Variants in GRIN2D observed in about 807,000 individuals in gnomAD.
GRIN2D encodes glutamate ionotropic receptor NMDA type subunit 2D, also known as glutamate receptor ionotropic, NMDA 2D.
Under a neutral mutation model 103.2 loss-of-function variants are expected in GRIN2D, and 37 were observed. The observed-to-expected ratio is 0.36, with a 90% confidence interval of 0.28 to 0.47. The LOEUF is 0.47. Among genes scored for constraint, GRIN2D ranks in the 20% least tolerant of loss-of-function variants. The pLI is 1.00. For missense variants in GRIN2D, 1,557 were observed against 1,910.6 expected (o/e 0.81, Z 3.45); for synonymous variants, 845 against 885.6 (o/e 0.95, Z 0.81).
intron 4 of GRIN2D, among the ~76,000 whole-genome samples, chr19:48,412,479 AAG>A (rs1374176248): frequency 1.0e-3 from 143 of 136,906 alleles, no homozygotes; most frequent in Non-Finnish European, 4.3e-4. Context: ...GAAAGAAAGA[AAG>A]AGAGAGAAAG....
At chr19:48,417,656 G>GC (rs1246390831) in intron 8 of GRIN2D, among the ~76,000 whole-genome samples, 1 of 152,116 alleles carries the variant, frequency 6.6e-6, no homozygotes, top group Non-Finnish European at 1.5e-5. Context: ...ACCACGTGGG[G>GC]CCCCTGCTTG....
Position 48,443,087 on chromosome 19 carries a change from GC to G in GRIN2D, c.3164del (p.Pro1055ArgfsTer463). ...PLCRLAFEDE[S>X]PPAPARWPRS... ...TGCCGCTTGGCCTTCGAGGACGAGAGCCCGCCGGCGCCCGCGCGGTGGCCGC... is the reference window on the plus strand; with the variant it reads ...TGCCGCTTGGCCTTCGAGGACGAGAGCCGCCGGCGCCCGCGCGGTGGCCGC... On this transcript the variant is annotated frameshift_variant, in exon 14 of 14. Coordinates refer to ENST00000263269, the MANE Select transcript of GRIN2D (RefSeq NM_000836.4). LOFTEE classifies it high-confidence loss of function. The surrounding 1 kb of genome is among the most constrained non-coding windows in gnomAD (Gnocchi z 8.9). 1 of 1,023,224 alleles carries G rather than the reference GC, an allele frequency of 9.8e-7. No individual in the cohort carries two copies. 63.4% of individuals were successfully genotyped at this position (1,023,224 alleles called of 1,614,324 possible).
chr19:48,400,411 C>T (rs918348185), intron 3 of GRIN2D, among the ~76,000 whole-genome samples: 1 of 152,206 alleles, frequency 6.6e-6, no homozygotes, highest in Non-Finnish European at 1.5e-5. Flanking sequence ...CTGGGAAGGA[C>T]CTCTGTCCAA....
Position 48,444,397 on chromosome 19 carries a change from AC to A in GRIN2D, c.*462del, listed in dbSNP as rs1971356742. 6.5e-6 allele frequency: 1 copy of A among 153,620 alleles called. No individual in the cohort carries two copies. The highest frequency in any genetic ancestry group is 2.4e-5 in the African/African-American group (1 of 41,404). The allele number at this position is 153,620 out of a possible 1,614,324, so 9.5% of individuals were successfully genotyped here. On this transcript the variant is annotated 3_prime_UTR_variant, in exon 14 of 14. Transcript: ENST00000263269. The surrounding 1 kb of genome is among the most constrained non-coding windows in gnomAD (Gnocchi z 5.5). ...CGCGTTCGCCAAACTGTGACCCCAGACCTTGGCCCCGCCACACAGAAACCCC... is the reference window on the plus strand; with the variant it reads ...CGCGTTCGCCAAACTGTGACCCCAGACTTGGCCCCGCCACACAGAAACCCC...
At chr19:48,409,226 C>T (rs1037807806) in intron 4 of GRIN2D, among the ~76,000 whole-genome samples, 1 of 151,744 alleles carries the variant, frequency 6.6e-6, no homozygotes, top group Non-Finnish European at 1.5e-5. Context: ...TTAAAGTTTC[C>T]ACCTCCTAAT....
intron 2 of GRIN2D, among the ~76,000 whole-genome samples, chr19:48,396,660 A>T (rs535017979): frequency 3.8e-4 from 58 of 151,816 alleles, no homozygotes; most frequent in African/African-American, 1.4e-3. Flanking sequence ...GCATACTAGG[A>T]GCCCCCAACC....
chr19:48,427,279 C>T (rs1324783354), intron 11 of GRIN2D, among the ~76,000 whole-genome samples: 1 of 151,824 alleles, frequency 6.6e-6, no homozygotes, highest in Non-Finnish European at 1.5e-5. Flanking sequence ...CAAGACCACA[C>T]CACTGCACTC....
chr19:48,398,894 G>A, intron 3 of GRIN2D, 37 bp downstream of exon 3: 1 of 1,305,922 alleles, frequency 7.7e-7, no homozygotes, highest in Non-Finnish European at 9.7e-7. Context: ...CCACAGGAGG[G>A]GCGGGGACAG....
chr19:48,416,627 G>T (rs1205464602), intron 8 of GRIN2D, among the ~76,000 whole-genome samples: 1 of 152,192 alleles, frequency 6.6e-6, no homozygotes, highest in African/African-American at 2.4e-5. Flanking sequence ...GTGCCAGGTG[G>T]TGGGCTCCAC....
intron 8 of GRIN2D, among the ~76,000 whole-genome samples, chr19:48,417,970 T>A (rs1257871130): frequency 6.6e-6 from 1 of 151,738 alleles, no homozygotes; most frequent in East Asian, 1.9e-4. Flanking sequence ...GGGTGTTAAC[T>A]CTAGCAGGGA....
chr19:48,412,090 G>A (rs1043744017), intron 4 of GRIN2D, among the ~76,000 whole-genome samples: 2 of 151,936 alleles, frequency 1.3e-5, no homozygotes. Context: ...ACTTTGGAAG[G>A]CCGAGGCAGG....
At position 48,427,117 on chromosome 19, in the gene GRIN2D, C is replaced by T. The variant is rs573606194; in HGVS notation, c.2252+5172C>T. On this transcript the variant is annotated intron_variant, in intron 11 of 13. Coordinates refer to ENST00000263269, the MANE Select transcript of GRIN2D (RefSeq NM_000836.4). Reference sequence around the variant, plus strand: ...GGCAGGTCACTTGAAGTCAGGAGTTCGAGACCAGCCTGGCCAACATGGCGA... The same window carrying T: ...GGCAGGTCACTTGAAGTCAGGAGTTTGAGACCAGCCTGGCCAACATGGCGA... Among the ~76,000 whole-genome samples, 72 of 151,894 alleles carry T rather than the reference C, an allele frequency of 4.7e-4. No homozygotes were observed. The South Asian group carries it at 0.014, about 30-fold the overall frequency.
At chr19:48,432,568 T>C (rs1971170792) in intron 11 of GRIN2D, among the ~76,000 whole-genome samples, 1 of 151,986 alleles carries the variant, frequency 6.6e-6, no homozygotes, top group African/African-American at 2.4e-5. Context: ...AGCCTTGACA[T>C]CCTGGGCTCA....
intron 4 of GRIN2D, among the ~76,000 whole-genome samples, chr19:48,406,150 T>C (rs1286458616): frequency 6.6e-6 from 1 of 152,184 alleles, no homozygotes. Flanking sequence ...TCTGATTGAC[T>C]AGACGTCCAT....
At chr19:48,406,892 G>A (rs1371003407) in intron 4 of GRIN2D, among the ~76,000 whole-genome samples, 2 of 152,204 alleles carry the variant, frequency 1.3e-5, no homozygotes, top group African/African-American at 4.8e-5. Flanking sequence ...AGGAATTAAA[G>A]CCAGGAATTG....
chr19:48,405,193 T>C lies in GRIN2D; in HGVS notation c.925T>C (p.Ser309Pro), dbSNP rs771716322. 54 of 1,601,996 alleles carry C rather than the reference T, an allele frequency of 3.4e-5. No homozygotes were observed. The highest frequency in any genetic ancestry group is 4.5e-5 in the Non-Finnish European group (53 of 1,177,282). Residue 309 changes from serine to proline, a missense_variant, in exon 4 of 14, where the codon TCG becomes CCG. Ser to Pro is a moderately conservative substitution (Grantham distance 74, BLOSUM62 -1). Coordinates refer to ENST00000263269, the MANE Select transcript of GRIN2D (RefSeq NM_000836.4). The surrounding 1 kb of genome is among the most constrained non-coding windows in gnomAD (Gnocchi z 5.1). The part of the protein sequence containing the change: ...PLPAGLFAVR[S>P]AGWRDDLARR... ...GCCTGCCGGGCTGTTTGCAGTGCGC[T>C]CGGCTGGCTGGCGGGATGACCTGGC...
chr19:48,425,838 G>A (rs972840263), intron 11 of GRIN2D, among the ~76,000 whole-genome samples: 1 of 152,038 alleles, frequency 6.6e-6, no homozygotes, highest in African/African-American at 2.4e-5. Flanking sequence ...GGTACAAAAA[G>A]CGTGCAACTC....
intron 8 of GRIN2D, among the ~76,000 whole-genome samples, 193 bp downstream of exon 8, chr19:48,416,348 C>T (rs1473881636): frequency 6.6e-6 from 1 of 152,212 alleles, no homozygotes; most frequent in Non-Finnish European, 1.5e-5. Flanking sequence ...AATTTCCCTA[C>T]CCAGAAGACA....
At position 48,424,635 on chromosome 19, in the gene GRIN2D, G is replaced by A. The variant is rs148644891; in HGVS notation, c.2252+2690G>A. On this transcript the variant is annotated intron_variant, in intron 11 of 13. Transcript: ENST00000263269. Reference sequence around the variant, plus strand: ...AAAATATTATTTTGACACGTAATCAGTATAAACATGGGTGAGACCGTTTAC... The same window carrying A: ...AAAATATTATTTTGACACGTAATCAATATAAACATGGGTGAGACCGTTTAC... Among the ~76,000 whole-genome samples, 68 of 152,218 alleles carry A rather than the reference G, an allele frequency of 4.5e-4. 1 individual carries two copies. The East Asian group carries it at 0.013, about 28-fold the overall frequency.
Sources: allele counts gnomAD v4.1 joint callset (sites outside exome capture counted in the v4.1 genomes callset), GRCh38; gene constraint gnomAD v4.1.1; non-coding constraint Gnocchi (gnomAD v3.1); transcripts MANE v1.5; gene names NCBI Gene and HGNC (gene_info 2026-07-23, HGNC 2026-07-21).